Variants in CCIN observed in about 807,000 individuals in gnomAD.
CCIN encodes testis tissue sperm-binding protein Li 65n.
Under a neutral mutation model 32.2 loss-of-function variants are expected in CCIN, and 15 were observed. The ratio of observed to expected loss-of-function variants is 0.47; its 90% CI spans 0.31 to 0.72. The LOEUF is 0.72. Ranked by LOEUF, CCIN falls within the 30% of genes least tolerant of loss-of-function variation. CCIN has a pLI of 0.05. For synonymous variants in CCIN, 302 were observed against 297.4 expected (o/e 1.02, Z -0.16); for missense variants, 623 against 759.4 (o/e 0.82, Z 2.11).
chr9:36,170,308 T>A lies in CCIN; in HGVS notation c.806T>A (p.Leu269Gln), dbSNP rs2132816643. ...DRKQERPCSL[L>Q]VYQRKGALLD... ...AAGCAGGAGCGGCCATGCAGCCTGC[T>A]GGTCTACCAGCGGAAAGGGGCCCTG... The change falls in exon 1 of 1, where the codon CTG (leucine) becomes CAG (glutamine). Residue 269 changes from leucine to glutamine, a missense_variant. Leu to Gln is a moderately radical substitution (Grantham distance 113). Transcript: ENST00000335119. 1 of 1,614,190 alleles carries A rather than the reference T, an allele frequency of 6.2e-7. No homozygotes were observed. Among genetic ancestry groups the A allele is most frequent in the Non-Finnish European group, 8.5e-7 (1 of 1,180,038 alleles).
rs758012641 is a variant in CCIN at position 36,169,632 on chromosome 9, A to G, written c.130A>G (p.Asn44Asp). The change falls in exon 1 of 1, where the codon AAT becomes GAT. Residue 44 changes from asparagine to aspartate, a missense_variant. Coordinates refer to ENST00000335119, the MANE Select transcript of CCIN (RefSeq NM_005893.3). The stretch of plus-strand genomic sequence containing the variant: ...CAACCACGTCTTCTTTGCACATCGC[A>G]ATGTGCTGGCTGCTGTCTCCCCACT... ...VDNHVFFAHR[N>D]VLAAVSPLVR... 1.2e-6 allele frequency: 2 copies of G among 1,614,078 alleles called. No homozygotes were observed. Among genetic ancestry groups the G allele is most frequent in the African/African-American group, 2.7e-5 (2 of 74,926 alleles).
rs1563895964 is a variant in CCIN, at chr9:36,170,849, C to T, written c.1347C>T (p.Asp449=). 2.5e-6 allele frequency: 4 copies of T among 1,614,268 alleles called. No homozygotes were observed. The highest frequency in any genetic ancestry group is 1.1e-5 in the South Asian group (1 of 91,086). The stretch of plus-strand genomic sequence containing the variant: ...GGGTCGGGGTAGTGGACTGCTTTGA[C>T]ACCAGCACTGGGGACGTGGTCCAGT... The part of the protein sequence containing the change: ...ISRVGVVDCF[D]TSTGDVVQCI... Residue 449 remains aspartate, a synonymous_variant, in exon 1 of 1, where the codon GAC becomes GAT. Coordinates refer to ENST00000335119, the MANE Select transcript of CCIN (RefSeq NM_005893.3).
rs78745631 is a variant in CCIN, at chr9:36,171,317, A to G, written c.*48A>G. The G allele has an allele frequency of 1.4e-3, 2,279 of 1,585,622 alleles. 32 individuals carry two copies. In the African/African-American group the frequency reaches 0.027, roughly 19 times the overall value. On this transcript the variant is annotated 3_prime_UTR_variant, in exon 1 of 1. Coordinates refer to ENST00000335119, the MANE Select transcript of CCIN (RefSeq NM_005893.3). ...TAAATGCATTATTATTCACGATTTA[A>G]TGAGAGAAAGAGAGGAAGATGGCCT...
chr9:36,171,255 C>G lies in CCIN; in HGVS notation c.1753C>G (p.Leu585Val). The G allele has an allele frequency of 6.2e-7, 1 of 1,612,664 alleles. No individual in the cohort carries two copies. Residue 585 changes from leucine (L) to valine (V), a missense_variant, in exon 1 of 1, where the codon CTT (leucine) becomes GTT (valine). Physicochemically the swap from Leu to Val is conservative, Grantham distance 32 (BLOSUM62 1). Transcript: ENST00000335119. ...CCLAKLPCKI[L>V]QRI ...TCTAGCCAAGCTACCTTGCAAGATT[C>G]TTCAAAGGATTTAAACATTTTAAGT...
rs1826312529 is a variant in CCIN at position 36,171,273 on chromosome 9, T to C, written c.*4T>C. 3 of 1,609,610 alleles carry C rather than the reference T, an allele frequency of 1.9e-6. No homozygotes were observed. Among genetic ancestry groups the C allele is most frequent in the Non-Finnish European group, 8.5e-7 (1 of 1,178,986 alleles). Reference sequence around the variant, plus strand: ...CAAGATTCTTCAAAGGATTTAAACATTTTAAGTGGGAGAATAAGTAAATGC... The same window carrying C: ...CAAGATTCTTCAAAGGATTTAAACACTTTAAGTGGGAGAATAAGTAAATGC... On this transcript the variant is annotated 3_prime_UTR_variant, in exon 1 of 1. Transcript: ENST00000335119.
rs1208007565 is a variant in CCIN, at chr9:36,169,635, G to A, written c.133G>A (p.Val45Met). ...CCACGTCTTCTTTGCACATCGCAATGTGCTGGCTGCTGTCTCCCCACTGGT... is the reference window on the plus strand; with the variant it reads ...CCACGTCTTCTTTGCACATCGCAATATGCTGGCTGCTGTCTCCCCACTGGT... ...DNHVFFAHRN[V>M]LAAVSPLVRS... Residue 45 changes from valine to methionine, a missense_variant, in exon 1 of 1, where the codon GTG becomes ATG. Physicochemically the swap from Val to Met is conservative, Grantham distance 21 (BLOSUM62 1). Coordinates refer to ENST00000335119, the MANE Select transcript of CCIN (RefSeq NM_005893.3). 6.2e-7 allele frequency: 1 copy of A among 1,614,222 alleles called. No individual in the cohort carries two copies. Among genetic ancestry groups the A allele is most frequent in the Admixed American group, 1.7e-5 (1 of 60,018 alleles).
In CCIN at chr9:36,170,749, C is replaced by A. The variant is rs148035831; in HGVS notation, c.1247C>A (p.Thr416Asn). The A allele has an allele frequency of 2.4e-5, 39 of 1,614,174 alleles. No homozygotes were observed. In the African/African-American group the frequency reaches 4.3e-4, roughly 18 times the overall value. Residue 416 changes from threonine (T) to asparagine (N), a missense_variant, in exon 1 of 1, where the codon ACC becomes AAC. Transcript: ENST00000335119. Reference sequence around the variant, plus strand: ...AAGATGAGCATCCCCATGGATGGCACCGCCGTGATCACTAAAGGAGACAGG... The same window carrying A: ...AAGATGAGCATCCCCATGGATGGCAACGCCGTGATCACTAAAGGAGACAGG... ...AGKMSIPMDG[T>N]AVITKGDRHL...
rs1466671436 is a variant in CCIN at position 36,169,742 on chromosome 9, C to T, written c.240C>T (p.Val80=). 5 of 1,614,160 alleles carry T rather than the reference C, an allele frequency of 3.1e-6. No individual in the cohort carries two copies. In the Admixed American group the frequency reaches 8.3e-5, roughly 27 times the overall value. The part of the protein sequence containing the change: ...ITIDTSYLSP[V]TVDQLLDYFY... ...TTGACACCAGTTACCTGAGCCCGGT[C>T]ACAGTGGACCAGCTTCTGGACTACT... The change falls in exon 1 of 1, where the codon GTC becomes GTT. Residue 80 remains valine (V), a synonymous_variant. Coordinates refer to ENST00000335119, the MANE Select transcript of CCIN (RefSeq NM_005893.3).
chr9:36,170,962 G>T lies in CCIN; in HGVS notation c.1460G>T (p.Ser487Ile). 1 of 1,614,206 alleles carries T rather than the reference G, an allele frequency of 6.2e-7. No homozygotes were observed. The highest frequency in any genetic ancestry group is 8.5e-7 in the Non-Finnish European group (1 of 1,180,044). Residue 487 changes from serine (S) to isoleucine (I), a missense_variant, in exon 1 of 1, where the codon AGT becomes ATT. Transcript: ENST00000335119. ...CTCTGCGTGCACAGCCACCGGCAGA[G>T]TGTGGAAATCAATCTGCAGAAGGTG... ...NILCVHSHRQ[S>I]VEINLQKVKA...
Position 36,170,275 on chromosome 9 carries a change from T to C in CCIN, c.773T>C (p.Met258Thr), listed in dbSNP as rs759463744. The change falls in exon 1 of 1, where the codon ATG becomes ACG. Residue 258 changes from methionine to threonine, a missense_variant. Transcript: ENST00000335119. ...SHTTLIESVL[M>T]DRKQERPCSL... is the part of the protein sequence containing the mutation. ...ACAACCCTGATTGAGAGTGTCCTGATGGACCGCAAGCAGGAGCGGCCATGC... is the reference window on the plus strand; with the variant it reads ...ACAACCCTGATTGAGAGTGTCCTGACGGACCGCAAGCAGGAGCGGCCATGC... The C allele has an allele frequency of 2.5e-5, 41 of 1,614,030 alleles. No homozygotes were observed. Among genetic ancestry groups the C allele is most frequent in the Admixed American group, 6.7e-5 (4 of 60,008 alleles).
rs113985677 is a variant in CCIN, at chr9:36,170,293, G to C, written c.791G>C (p.Arg264Pro). 4 of 1,614,066 alleles carry C rather than the reference G, an allele frequency of 2.5e-6. No homozygotes were observed. In the Admixed American group the frequency reaches 6.7e-5, roughly 27 times the overall value. Residue 264 changes from arginine to proline, a missense_variant, in exon 1 of 1, where the codon CGG becomes CCG. By Grantham distance (103) the Arg-to-Pro change is moderately radical. Coordinates refer to ENST00000335119, the MANE Select transcript of CCIN (RefSeq NM_005893.3). ...ESVLMDRKQE[R>P]PCSLLVYQRK... ...GTCCTGATGGACCGCAAGCAGGAGC[G>C]GCCATGCAGCCTGCTGGTCTACCAG...
rs138761216 is a variant in CCIN, at chr9:36,170,555, T to G, written c.1053T>G (p.Asp351Glu). ...AGACAGCCTGGCGGTATGACATGGA[T>G]GACAACTCCTGGACCAAGTTGCCTG... ...GLKTAWRYDM[D>E]DNSWTKLPDL... The change falls in exon 1 of 1, where the codon GAT (aspartate) becomes GAG (glutamate). Residue 351 changes from aspartate to glutamate, a missense_variant. Physicochemically the swap from Asp to Glu is conservative, Grantham distance 45. Coordinates refer to ENST00000335119, the MANE Select transcript of CCIN (RefSeq NM_005893.3). 30 of 1,614,032 alleles carry G rather than the reference T, an allele frequency of 1.9e-5. No individual in the cohort carries two copies. Among genetic ancestry groups the G allele is most frequent in the Non-Finnish European group, 2.5e-5 (29 of 1,180,050 alleles).
chr9:36,171,038 C>T lies in CCIN; in HGVS notation c.1536C>T (p.Pro512=), dbSNP rs1563896094. The T allele has an allele frequency of 4.3e-6, 7 of 1,614,240 alleles. No homozygotes were observed. The highest frequency in any genetic ancestry group is 1.6e-4 in the Middle Eastern group (1 of 6,062). ...TSVPVLPNSC[P]LDVSHAICSI... is the part of the protein sequence containing the mutation. The stretch of plus-strand genomic sequence containing the variant: ...TGCCTGTCTTGCCCAACAGCTGCCC[C>T]TTGGATGTGTCCCATGCTATATGCT... Residue 512 remains proline, a synonymous_variant, in exon 1 of 1, where the codon CCC becomes CCT. Coordinates refer to ENST00000335119, the MANE Select transcript of CCIN (RefSeq NM_005893.3).
In CCIN at chr9:36,169,424, A is replaced by G; in HGVS notation, c.-79A>G. On this transcript the variant is annotated 5_prime_UTR_variant, in exon 1 of 1. Transcript: ENST00000335119. ...CTGGTCAACCGCTCTGCAAACAACC[A>G]TCAATCTGATCCCACAGGCCTGAGA... The G allele has an allele frequency of 7.1e-7, 1 of 1,405,518 alleles. No individual in the cohort carries two copies. Among genetic ancestry groups the G allele is most frequent in the Non-Finnish European group, 1.0e-6 (1 of 1,003,582 alleles). The allele number at this position is 1,405,518 out of a possible 1,614,324, so 87.1% of individuals were successfully genotyped here.
Position 36,170,695 on chromosome 9 carries a change from A to G in CCIN, c.1193A>G (p.Glu398Gly). The part of the protein sequence containing the change: ...RYVSNIYRYD[E>G]RKEVWCLAGK... ...GTCTCCAACATCTATCGCTATGATGAGCGGAAGGAAGTCTGGTGCCTGGCA... is the reference window on the plus strand; with the variant it reads ...GTCTCCAACATCTATCGCTATGATGGGCGGAAGGAAGTCTGGTGCCTGGCA... The change falls in exon 1 of 1, where the codon GAG becomes GGG. Residue 398 changes from glutamate to glycine, a missense_variant. By Grantham distance (98) the Glu-to-Gly change is moderately conservative. Transcript: ENST00000335119. 2 of 1,614,248 alleles carry G rather than the reference A, an allele frequency of 1.2e-6. No homozygotes were observed. Among genetic ancestry groups the G allele is most frequent in the Non-Finnish European group, 1.7e-6 (2 of 1,180,046 alleles).
At position 36,170,278 on chromosome 9, in the gene CCIN, A is replaced by G; in HGVS notation, c.776A>G (p.Asp259Gly). The change falls in exon 1 of 1, where the codon GAC becomes GGC. Residue 259 changes from aspartate to glycine, a missense_variant. Asp to Gly is a moderately conservative substitution (Grantham distance 94). Transcript: ENST00000335119. ...ACCCTGATTGAGAGTGTCCTGATGG[A>G]CCGCAAGCAGGAGCGGCCATGCAGC... The part of the protein sequence containing the change: ...HTTLIESVLM[D>G]RKQERPCSLL... The G allele has an allele frequency of 6.2e-7, 1 of 1,614,134 alleles. No individual in the cohort carries two copies. Among genetic ancestry groups the G allele is most frequent in the Non-Finnish European group, 8.5e-7 (1 of 1,180,008 alleles).
Position 36,171,172 on chromosome 9 carries a change from C to T in CCIN, c.1670C>T (p.Thr557Ile). ...AATGCCTTCTTGCTGGACCAAAAGA[C>T]AGGCAAGTGGAAGACCCTGGCTCCT... ...NPNAFLLDQK[T>I]GKWKTLAPPP... Residue 557 changes from threonine to isoleucine, a missense_variant, in exon 1 of 1, where the codon ACA (threonine) becomes ATA (isoleucine). Transcript: ENST00000335119. The T allele has an allele frequency of 6.2e-7, 1 of 1,614,224 alleles. No homozygotes were observed. Among genetic ancestry groups the T allele is most frequent in the Non-Finnish European group, 8.5e-7 (1 of 1,180,040 alleles).
chr9:36,170,268 G>A lies in CCIN; in HGVS notation c.766G>A (p.Val256Ile), dbSNP rs1259756922. The A allele has an allele frequency of 1.2e-6, 2 of 1,614,156 alleles. No homozygotes were observed. The highest frequency in any genetic ancestry group is 2.2e-5 in the South Asian group (2 of 91,080). ...ATCCCATACAACCCTGATTGAGAGTGTCCTGATGGACCGCAAGCAGGAGCG... is the reference window on the plus strand; with the variant it reads ...ATCCCATACAACCCTGATTGAGAGTATCCTGATGGACCGCAAGCAGGAGCG... ...TSSHTTLIES[V>I]LMDRKQERPC... Residue 256 changes from valine (V) to isoleucine (I), a missense_variant, in exon 1 of 1, where the codon GTC becomes ATC. Physicochemically the swap from Val to Ile is conservative, Grantham distance 29 (BLOSUM62 3). Coordinates refer to ENST00000335119, the MANE Select transcript of CCIN (RefSeq NM_005893.3).
Position 36,169,425 on chromosome 9 carries a change from T to A in CCIN, c.-78T>A, listed in dbSNP as rs1826276144. 2.1e-6 allele frequency: 3 copies of A among 1,408,810 alleles called. No homozygotes were observed. The highest frequency in any genetic ancestry group is 3.0e-6 in the Non-Finnish European group (3 of 1,006,284). 87.3% of individuals were successfully genotyped at this position (1,408,810 alleles called of 1,614,324 possible). ...TGGTCAACCGCTCTGCAAACAACCA[T>A]CAATCTGATCCCACAGGCCTGAGAA... On this transcript the variant is annotated 5_prime_UTR_variant, in exon 1 of 1. Coordinates refer to ENST00000335119, the MANE Select transcript of CCIN (RefSeq NM_005893.3).
Sources: gnomAD v4.1 joint callset for allele counts on GRCh38, gnomAD v4.1.1 for gene constraint, MANE v1.5 for transcripts, NCBI Gene and HGNC (gene_info 2026-07-23, HGNC 2026-07-21) for gene names.